Variants in NREP observed in about 807,000 individuals in gnomAD.
NREP encodes neuronal regeneration-related protein.
A neutral mutation model predicts 8.6 loss-of-function variants in NREP; 5 were observed. The ratio of observed to expected loss-of-function variants is 0.58; its 90% CI spans 0.30 to 1.22. The LOEUF is 1.22. Ranked by LOEUF, NREP falls within the 50% of genes most tolerant of loss-of-function variation. The pLI is 0.07. For synonymous variants in NREP, 27 were observed against 28.0 expected (o/e 0.96, Z 0.11); for missense variants, 86 against 82.5 (o/e 1.04, Z -0.17).
intron 2 of NREP, among the ~76,000 whole-genome samples, chr5:111,915,881 G>C (rs1047378565): frequency 2.0e-5 from 3 of 151,986 alleles, no homozygotes; most frequent in Non-Finnish European, 4.4e-5. Flanking sequence ...GGACATTAAC[G>C]GTTTGCATCT....
chr5:111,956,469 G>C (rs979300665), intron 2 of NREP, among the ~76,000 whole-genome samples: 1 of 149,578 alleles, frequency 6.7e-6, no homozygotes, highest in Non-Finnish European at 1.5e-5. Context: ...AATTTGAAGA[G>C]ACCTAAAAAA....
At chr5:111,769,128 T>C (rs1189931360) in intron 2 of NREP, among the ~76,000 whole-genome samples, 1 of 152,226 alleles carries the variant, frequency 6.6e-6, no homozygotes, top group Non-Finnish European at 1.5e-5. Context: ...ATATCTTAAA[T>C]GGGATACATC....
At chr5:111,787,471 G>C (rs80245133) in intron 2 of NREP, among the ~76,000 whole-genome samples, 1 of 151,986 alleles carries the variant, frequency 6.6e-6, no homozygotes, top group African/African-American at 2.4e-5. Flanking sequence ...GCCCATGATA[G>C]AGTTGGGGAT....
At chr5:111,877,653 G>A (rs1222564316) in intron 2 of NREP, among the ~76,000 whole-genome samples, 1 of 152,148 alleles carries the variant, frequency 6.6e-6, no homozygotes, top group Non-Finnish European at 1.5e-5. Flanking sequence ...AGAAGCAACT[G>A]GACATGAGAC....
At chr5:111,939,575 G>A (rs982962569) in intron 2 of NREP, among the ~76,000 whole-genome samples, 2 of 152,014 alleles carry the variant, frequency 1.3e-5, no homozygotes, top group African/African-American at 4.8e-5. Context: ...AAAAAAATTC[G>A]AGTTGCCGCA....
rs1752957272 is a variant in NREP, at chr5:111,838,807, GTATA to G, written c.136-103304_136-103301del. Among the ~76,000 whole-genome samples the G allele has an allele frequency of 2.6e-5, 4 of 151,826 alleles. No homozygotes were observed. In the South Asian group the frequency reaches 8.3e-4, roughly 32 times the overall value. Reference sequence around the variant, plus strand: ...CCATATGTTGAATTCATAATGATACGTATATAATCTATAAAAACACATATATAGA... The same window carrying G: ...CCATATGTTGAATTCATAATGATACGTAATCTATAAAAACACATATATAGA... On this transcript the variant is annotated intron_variant, in intron 2 of 3. Coordinates refer to the NREP transcript ENST00000395634.
chr5:111,791,046 T>A (rs1751734343), intron 2 of NREP, among the ~76,000 whole-genome samples: 1 of 152,196 alleles, frequency 6.6e-6, no homozygotes, highest in South Asian at 2.1e-4. Context: ...GAAAGAGGAC[T>A]GTAATAGAAG....
chr5:111,752,424 C>T (rs1750420984), intron 2 of NREP, among the ~76,000 whole-genome samples: 1 of 152,202 alleles, frequency 6.6e-6, no homozygotes, highest in Admixed American at 6.5e-5. Flanking sequence ...CTCTTAGGTA[C>T]TCTTCAGCAT....
At chr5:111,777,020 A>G (rs1433462157) in intron 2 of NREP, among the ~76,000 whole-genome samples, 4 of 149,602 alleles carry the variant, frequency 2.7e-5, no homozygotes, top group Admixed American at 1.3e-4. Flanking sequence ...GAGGTGGAGG[A>G]GGAGGAGGAA....
chr5:111,864,798 A>G (rs1442936643), intron 2 of NREP, among the ~76,000 whole-genome samples: 3 of 152,172 alleles, frequency 2.0e-5, no homozygotes, highest in African/African-American at 7.2e-5. Flanking sequence ...CAAAATTTAA[A>G]TTAAAAAAGG....
rs753221829 is a variant in NREP, at chr5:111,838,704, G to GAT, written c.136-103199_136-103198dup. On this transcript the variant is annotated intron_variant, in intron 2 of 3. Transcript: ENST00000395634. ...AGATTATTTCCTTGAAATTCATGAT[G>GAT]ATATATATATATGTGTGTGTGTTTG... 5.8e-4 allele frequency among the ~76,000 whole-genome samples: 88 copies of GAT among 151,274 alleles called. 1 individual carries two copies. Among genetic ancestry groups the GAT allele is most frequent in the African/African-American group, 2.0e-3 (81 of 41,306 alleles).
chr5:111,784,939 G>A (rs1016693733), intron 2 of NREP, among the ~76,000 whole-genome samples: 2 of 152,144 alleles, frequency 1.3e-5, no homozygotes, highest in African/African-American at 4.8e-5. Flanking sequence ...TGCTTGAGCA[G>A]GGGGGAGCTG....
chr5:111,838,678 T>C (rs533208162), intron 2 of NREP, among the ~76,000 whole-genome samples: 2 of 152,068 alleles, frequency 1.3e-5, no homozygotes, highest in Non-Finnish European at 2.9e-5. Flanking sequence ...CACAATTTTA[T>C]AGATTATTTC....
intron 2 of NREP, among the ~76,000 whole-genome samples, chr5:111,735,946 C>T (rs1350728156): frequency 6.6e-6 from 1 of 152,164 alleles, no homozygotes; most frequent in African/African-American, 2.4e-5. Flanking sequence ...AAGAAAGCAG[C>T]AGCCCAGATT....
chr5:111,966,234 T>A (rs1581257979), intron 2 of NREP, among the ~76,000 whole-genome samples: 1 of 152,212 alleles, frequency 6.6e-6, no homozygotes, highest in Non-Finnish European at 1.5e-5. Context: ...TTTAAGAAAT[T>A]AGCCATTATC....
chr5:111,917,261 GC>G (rs1755088738), intron 2 of NREP, among the ~76,000 whole-genome samples: 1 of 152,140 alleles, frequency 6.6e-6, no homozygotes, highest in Admixed American at 6.5e-5. Flanking sequence ...TGGATTCACA[GC>G]CGAATTCTAC....
chr5:111,752,852 T>C (rs1750449828), intron 2 of NREP, among the ~76,000 whole-genome samples: 1 of 152,158 alleles, frequency 6.6e-6, no homozygotes, highest in Non-Finnish European at 1.5e-5. Context: ...TGACATTGGA[T>C]TAAATAACTT....
chr5:111,863,290 G>GT (rs1753593147), intron 2 of NREP, among the ~76,000 whole-genome samples: 1 of 152,044 alleles, frequency 6.6e-6, no homozygotes, highest in African/African-American at 2.4e-5. Context: ...CTCTCTTTGG[G>GT]TGGTCTTCCA....
intron 2 of NREP, among the ~76,000 whole-genome samples, chr5:111,914,740 C>T (rs1755006726): frequency 6.6e-6 from 1 of 152,030 alleles, no homozygotes. Context: ...CACCTGTTCC[C>T]AACAAGCTGA....
Sources: allele counts gnomAD v4.1 joint callset (sites outside exome capture counted in the v4.1 genomes callset), GRCh38; gene constraint gnomAD v4.1.1; transcripts MANE v1.5; gene names NCBI Gene and HGNC (gene_info 2026-07-23, HGNC 2026-07-21).